DPY19L2: variants seen among roughly 807,000 people sequenced by gnomAD.
The protein encoded by DPY19L2 is dpy-19 like 2.
A neutral mutation model predicts 97.9 loss-of-function variants in DPY19L2; 34 were observed. The ratio of observed to expected loss-of-function variants is 0.35; its 90% confidence interval spans 0.26 to 0.46. The LOEUF is 0.46. Ranked by LOEUF, DPY19L2 falls within the 20% of genes least tolerant of loss-of-function variation. The pLI is 1.00. For missense variants in DPY19L2, 623 were observed against 911.4 expected (o/e 0.68, Z 4.07); for synonymous variants, 230 against 307.9 (o/e 0.75, Z 2.65).
chr12:63,586,531 A>C (rs908603172), intron 16 of DPY19L2, among the ~76,000 whole-genome samples: 2 of 152,212 alleles, frequency 1.3e-5, no homozygotes, highest in African/African-American at 4.8e-5. Context: ...GCAGGTCTCT[A>C]GGTACAGAGC....
chr12:63,575,965 C>A (rs550382427), intron 19 of DPY19L2, among the ~76,000 whole-genome samples: 1 of 151,998 alleles, frequency 6.6e-6, no homozygotes, highest in South Asian at 2.1e-4. Flanking sequence ...CACTTTAATA[C>A]CAAAACCATA....
intron 16 of DPY19L2, among the ~76,000 whole-genome samples, chr12:63,590,775 T>TA (rs1407060374): frequency 2.9e-4 from 44 of 152,274 alleles, no homozygotes; most frequent in Non-Finnish European, 2.9e-5. Context: ...CTCTTTTTGA[T>TA]ACGCTGGTTT....
Position 63,644,368 on chromosome 12 carries a change from C to A in DPY19L2, c.803+35G>T, listed in dbSNP as rs149866242. On this transcript the variant is annotated intron_variant, in intron 6 of 21. Transcript: ENST00000324472. ...AAATATCAGCCAGTCTGTAAAAGCCCACTGAAAGGTCTCTTAATTCAGTAG... is the reference window on the plus strand; with the variant it reads ...AAATATCAGCCAGTCTGTAAAAGCCAACTGAAAGGTCTCTTAATTCAGTAG... 1.9e-6 allele frequency: 3 copies of A among 1,585,168 alleles called. No individual in the cohort carries two copies. In the East Asian group the frequency reaches 6.7e-5, roughly 36 times the overall value.
At chr12:63,636,823 C>T (rs536014447) in intron 6 of DPY19L2, among the ~76,000 whole-genome samples, 4 of 152,212 alleles carry the variant, frequency 2.6e-5, no homozygotes, top group Non-Finnish European at 4.4e-5. Flanking sequence ...TAGACTCCCA[C>T]ACAATAATAA....
intron 10 of DPY19L2, 65 bp downstream of exon 10, chr12:63,618,086 A>G (rs61936086): frequency 0.21 from 273,513 of 1,281,338 alleles, 31,955 homozygotes; most frequent in African/African-American, 0.48. Context: ...AAACAGAATC[A>G]CTTCGATTTT....
At chr12:63,632,208 T>C (rs537186395) in intron 6 of DPY19L2, among the ~76,000 whole-genome samples, 1 of 152,292 alleles carries the variant, frequency 6.6e-6, no homozygotes, top group East Asian at 1.9e-4. Flanking sequence ...TTGGATGTTC[T>C]GGCCAGGGCA....
intron 6 of DPY19L2, among the ~76,000 whole-genome samples, chr12:63,640,122 G>A (rs1248271159): frequency 6.6e-6 from 1 of 152,108 alleles, no homozygotes; most frequent in African/African-American, 2.4e-5. Flanking sequence ...AACACCACAT[G>A]TTCTCACTCA....
intron 4 of DPY19L2, among the ~76,000 whole-genome samples, chr12:63,649,812 C>G (rs1471144202): frequency 2.0e-5 from 3 of 152,144 alleles, no homozygotes; most frequent in African/African-American, 7.2e-5. Flanking sequence ...TCCTCCCTTA[C>G]TCATTCTATA....
chr12:63,643,955 G>A (rs1244586792), intron 6 of DPY19L2, among the ~76,000 whole-genome samples: 1 of 152,204 alleles, frequency 6.6e-6, no homozygotes, highest in Non-Finnish European at 1.5e-5. Flanking sequence ...GACTGGTCTC[G>A]CTGCTGCTTC....
intron 16 of DPY19L2, among the ~76,000 whole-genome samples, chr12:63,584,858 G>A (rs1406725630): frequency 6.6e-6 from 1 of 152,094 alleles, no homozygotes; most frequent in Non-Finnish European, 1.5e-5. Context: ...TAAGATCTAC[G>A]GTAAGAACAA....
At chr12:63,649,146 C>T (rs1893834993) in intron 4 of DPY19L2, among the ~76,000 whole-genome samples, 1 of 151,994 alleles carries the variant, frequency 6.6e-6, no homozygotes, top group African/African-American at 2.4e-5. Context: ...AATAAAGATA[C>T]AACATACCAG....
intron 19 of DPY19L2, among the ~76,000 whole-genome samples, chr12:63,580,038 A>G (rs1417855129): frequency 6.6e-6 from 1 of 152,174 alleles, no homozygotes; most frequent in Non-Finnish European, 1.5e-5. Flanking sequence ...AAAAATATCT[A>G]TCTGCTTGAG....
chr12:63,630,554 T>C (rs1291005698), intron 6 of DPY19L2, among the ~76,000 whole-genome samples: 6 of 151,408 alleles, frequency 4.0e-5, no homozygotes, highest in East Asian at 1.9e-4. Flanking sequence ...CAGGAGCACC[T>C]AGATTCATAA....
chr12:63,588,785 ACT>A (rs1292205542), intron 16 of DPY19L2, among the ~76,000 whole-genome samples: 1 of 133,810 alleles, frequency 7.5e-6, no homozygotes, highest in Admixed American at 9.0e-5. Flanking sequence ...ACGGAGTCTC[ACT>A]CTGTCGCCCA....
chr12:63,611,338 A>G (rs1175645332), intron 11 of DPY19L2, among the ~76,000 whole-genome samples: 1 of 151,844 alleles, frequency 6.6e-6, no homozygotes, highest in African/African-American at 2.4e-5. Context: ...AAGAATATCT[A>G]TAGGAATAAG....
intron 21 of DPY19L2, among the ~76,000 whole-genome samples, chr12:63,562,901 T>C (rs1305437273): frequency 6.6e-6 from 1 of 151,866 alleles, no homozygotes; most frequent in African/African-American, 2.4e-5. Flanking sequence ...GTTCAAGTAA[T>C]TATCCTGCTT....
At chr12:63,582,949 G>A (rs1404942415) in intron 17 of DPY19L2, among the ~76,000 whole-genome samples, 1 of 152,016 alleles carries the variant, frequency 6.6e-6, no homozygotes, top group East Asian at 1.9e-4. Flanking sequence ...AGTTACTAAT[G>A]CATCCCTGAT....
chr12:63,650,065 A>C (rs7306176), intron 4 of DPY19L2, among the ~76,000 whole-genome samples: 98,104 of 151,552 alleles, frequency 0.65, 32,396 homozygotes, highest in East Asian at 0.87. Flanking sequence ...ACTAAAAAAA[A>C]CCCCACATGA....
chr12:63,600,662 A>G (rs2137567239), intron 12 of DPY19L2, among the ~76,000 whole-genome samples: 1 of 150,288 alleles, frequency 6.7e-6, no homozygotes, highest in Middle Eastern at 3.4e-3. Context: ...AATAGCCAAG[A>G]AAGAAAGAAG....
Sources: allele counts gnomAD v4.1 joint callset (sites outside exome capture counted in the v4.1 genomes callset), GRCh38; gene constraint gnomAD v4.1.1; transcripts MANE v1.5; gene names NCBI Gene and HGNC (gene_info 2026-07-23, HGNC 2026-07-21).